Variants in MGAM observed in about 807,000 individuals in gnomAD.
MGAM encodes alpha-1,4-glucosidase.
Under a neutral mutation model 358.8 loss-of-function variants are expected in MGAM, and 253 were observed. The observed-to-expected ratio is 0.71, with a 90% CI of 0.64 to 0.78. The LOEUF is 0.78. Among genes scored for constraint, MGAM ranks in the 30% least tolerant of loss-of-function variants. The pLI is 0.00. For missense variants in MGAM, 3,080 were observed against 3,432.6 expected (o/e 0.90, Z 2.57); for synonymous variants, 1,105 against 1,227.1 (o/e 0.90, Z 2.08).
intron 23 of MGAM, 44 bp from the exon 24 acceptor site, chr7:142,050,653 T>C (rs1810855920): frequency 6.4e-7 from 1 of 1,564,340 alleles, no homozygotes; most frequent in Non-Finnish European, 8.8e-7. Flanking sequence ...AATCTGTGTA[T>C]ACTCATATAC....
rs781672439 is a variant in MGAM at position 142,092,685 on chromosome 7, G to C, written c.7033+77G>C. 6.9e-6 allele frequency: 9 copies of C among 1,313,418 alleles called. 1 individual carries two copies. The highest frequency in any genetic ancestry group is 9.6e-6 in the Non-Finnish European group (9 of 941,286). The allele number at this position is 1,313,418 out of a possible 1,614,324, so 81.4% of individuals were successfully genotyped here. The stretch of plus-strand genomic sequence containing the variant: ...TACACTGGAGGAGCCCGAGGCCAGG[G>C]GTGGCCGCACAGCTCAGGGCACATC... On this transcript the variant is annotated intron_variant, in intron 59 of 70. Transcript: ENST00000475668.
At chr7:142,072,317 G>C (rs1813410415) in intron 44 of MGAM, among the ~76,000 whole-genome samples, 1 of 145,874 alleles carries the variant, frequency 6.9e-6, no homozygotes, top group African/African-American at 2.4e-5. Flanking sequence ...TACTGCATGT[G>C]GGCTTTTGAA....
Position 142,082,428 on chromosome 7 carries a change from G to A in MGAM, c.6172-47G>A. ...TATTTTTGTTGAGTTTCTTTCTCAGGCATAATGTCTTTTAAACTCCTACTG... is the reference window on the plus strand; with the variant it reads ...TATTTTTGTTGAGTTTCTTTCTCAGACATAATGTCTTTTAAACTCCTACTG... On this transcript the variant is annotated intron_variant, in intron 51 of 70. Transcript: ENST00000475668. 2.9e-6 allele frequency: 4 copies of A among 1,382,668 alleles called. No individual in the cohort carries two copies. In the South Asian group the frequency reaches 3.7e-5, roughly 13 times the overall value. 85.6% of individuals were successfully genotyped at this position (1,382,668 alleles called of 1,614,324 possible).
intron 57 of MGAM, among the ~76,000 whole-genome samples, chr7:142,088,822 CATCT>C (rs71166559): frequency 0.16 from 20,222 of 124,670 alleles, 3,172 homozygotes; most frequent in African/African-American, 0.2. Context: ...ATCTATGTAC[CATCT>C]ATCTATCTAT....
In MGAM at chr7:142,095,700, C is replaced by T; in HGVS notation, c.7594C>T (p.Pro2532Ser). Residue 2532 changes from proline to serine, a missense_variant, in exon 64 of 71, where the codon CCT becomes TCT. By Grantham distance (74) the Pro-to-Ser change is moderately conservative. Transcript: ENST00000475668. ...CACGGAGGGCGTCACTGTTGTGCGG[C>T]CTCTGCTCCATGAGTGAGTGTCCAG... is the stretch of plus-strand genomic sequence containing the variant. ...AHTEGVTVVR[P>S]LLHEFVSDQV... 2 of 1,613,984 alleles carry T rather than the reference C, an allele frequency of 1.2e-6. No individual in the cohort carries two copies. Among genetic ancestry groups the T allele is most frequent in the South Asian group, 1.1e-5 (1 of 91,080 alleles).
chr7:141,998,025 C>T (rs781794659), intron 1 of MGAM, among the ~76,000 whole-genome samples: 5 of 152,128 alleles, frequency 3.3e-5, no homozygotes, highest in Non-Finnish European at 5.9e-5. Flanking sequence ...ACACATCAAA[C>T]GCTGGCTATA....
intron 30 of MGAM, 111 bp from the exon 31 acceptor site, chr7:142,058,092 A>C (rs1715714621): frequency 6.5e-7 from 1 of 1,528,108 alleles, no homozygotes; most frequent in Admixed American, 1.9e-5. Context: ...TCTGGATTTC[A>C]ATTAGTTAGT....
Position 142,030,532 on chromosome 7 carries a change from TC to T in MGAM, c.1353+41del, listed in dbSNP as rs781993606. 4 of 1,612,224 alleles carry T rather than the reference TC, an allele frequency of 2.5e-6. No individual in the cohort carries two copies. The East Asian group carries it at 8.9e-5, about 36-fold the overall frequency. ...TCTTTCCACCAAATTAGGTATTTGC[TC>T]CTCCGTATCATACACCCATCTCTCC... On this transcript the variant is annotated intron_variant, in intron 11 of 70. Coordinates refer to ENST00000475668, the MANE Select transcript of MGAM (RefSeq NM_001365693.1).
At position 142,036,088 on chromosome 7, in the gene MGAM, A is replaced by G. The variant is rs75718658; in HGVS notation, c.1960-81A>G. ...TCGGTAGGAGGTTTAAGCAAGGTTC[A>G]GTTGGGAGGTCCCTGGTGGAAAGCA... On this transcript the variant is annotated intron_variant, in intron 16 of 70. Coordinates refer to ENST00000475668, the MANE Select transcript of MGAM (RefSeq NM_001365693.1). 1.1e-4 allele frequency: 113 copies of G among 1,046,848 alleles called. No individual in the cohort carries two copies. In the East Asian group the frequency reaches 2.6e-3, roughly 24 times the overall value. 64.8% of individuals were successfully genotyped at this position (1,046,848 alleles called of 1,614,324 possible).
upstream of MGAM, among the ~76,000 whole-genome samples, chr7:141,995,476 C>G (rs148765434): frequency 8.7e-4 from 133 of 152,302 alleles, no homozygotes; most frequent in Non-Finnish European, 1.6e-3. Context: ...TCACAATCAT[C>G]AGATTGTGCT....
intron 24 of MGAM, 94 bp downstream of exon 24, chr7:142,050,958 C>A: frequency 6.4e-7 from 1 of 1,554,612 alleles, no homozygotes; most frequent in Non-Finnish European, 8.8e-7. Flanking sequence ...CCTGAAGGAC[C>A]AGGGCACCTT....
intron 27 of MGAM, 74 bp from the exon 28 acceptor site, chr7:142,055,481 TGTC>T: frequency 6.4e-7 from 1 of 1,562,568 alleles, no homozygotes; most frequent in Non-Finnish European, 8.8e-7. Context: ...AGTGTTCTGT[TGTC>T]CTTGAAAAGT....
rs1419201263 is a variant in MGAM, at chr7:142,069,832, A to G, written c.5061+1129A>G. ...AGTGTGCATGTTGAGTCTCCCATTC[A>G]CTACCAGAAGATATCTTTGATGGAA... is the stretch of plus-strand genomic sequence containing the variant. On this transcript the variant is annotated intron_variant, in intron 43 of 70. Transcript: ENST00000475668. Among the ~76,000 whole-genome samples the G allele has an allele frequency of 2.1e-5, 3 of 145,426 alleles. 1 individual carries two copies. In the East Asian group the frequency reaches 6.1e-4, roughly 30 times the overall value.
chr7:142,030,868 A>C, intron 12 of MGAM, 111 bp downstream of exon 12: 1 of 714,118 alleles, frequency 1.4e-6, no homozygotes, highest in East Asian at 2.7e-5. Context: ...GTACATTTTC[A>C]GTATATTTAT....
At chr7:142,003,679 A>G (rs1369582120) in intron 1 of MGAM, among the ~76,000 whole-genome samples, 1 of 152,038 alleles carries the variant, frequency 6.6e-6, no homozygotes, top group African/African-American at 2.4e-5. Context: ...AAACCACAAC[A>G]GAAACAAAAT....
chr7:142,054,763 C>A lies in MGAM; in HGVS notation c.3169C>A (p.Pro1057Thr). ...ATTTCCTCTGGCCTAGATTTATGAT[C>A]CCAACAAGAATCGGTATGAAGTTCC... ...NEMLQFKIYD[P>T]NKNRYEVPVP... The change falls in exon 27 of 71, where the codon CCC becomes ACC. Residue 1057 changes from proline (P) to threonine (T), a missense_variant. This residue lies in a region of MGAM where 1,816 missense variants were observed against 1,840.5 expected (regional missense o/e 0.99). Transcript: ENST00000475668. 1.2e-6 allele frequency: 2 copies of A among 1,613,770 alleles called. No homozygotes were observed. Among genetic ancestry groups the A allele is most frequent in the African/African-American group, 1.3e-5 (1 of 75,026 alleles).
chr7:142,094,555 G>A (rs1389172887), intron 61 of MGAM, 58 bp downstream of exon 61: 1 of 1,557,148 alleles, frequency 6.4e-7, no homozygotes, highest in Non-Finnish European at 8.8e-7. Flanking sequence ...GATCCTTGGG[G>A]AAGAGGTGAG....
chr7:142,045,054 T>C (rs1809878459), intron 21 of MGAM, among the ~76,000 whole-genome samples: 1 of 98,896 alleles, frequency 1.0e-5, no homozygotes, highest in South Asian at 3.0e-4. Context: ...TGATATATAA[T>C]ATGTATATTA....
At chr7:142,066,435 A>C in intron 40 of MGAM, 138 bp from the exon 41 acceptor site, 1 of 1,048,116 alleles carries the variant, frequency 9.5e-7, no homozygotes, top group Non-Finnish European at 1.4e-6. Context: ...TCTATTAAGA[A>C]TATTCTCTGG....
Sources: gnomAD v4.1 joint callset for allele counts (sites outside exome capture counted in the v4.1 genomes callset) on GRCh38, gnomAD v4.1.1 for gene constraint, gnomAD v4.1.1 regional missense constraint, MANE v1.5 for transcripts, NCBI Gene and HGNC (gene_info 2026-07-23, HGNC 2026-07-21) for gene names.